MIGA1: variants seen among roughly 807,000 people sequenced by gnomAD.
MIGA1 encodes the protein mitoguardin 1, also known as family with sequence similarity 73, member A.
A neutral mutation model predicts 82.0 loss-of-function variants in MIGA1; 58 were observed. That is an observed-to-expected ratio of 0.71 (90% CI 0.57 to 0.88). The LOEUF is 0.88. Ranked by LOEUF, MIGA1 falls within the 40% of genes least tolerant of loss-of-function variation. The pLI, the probability that MIGA1 is intolerant of heterozygous loss-of-function variation, is 0.00. For synonymous variants in MIGA1, 249 were observed against 253.6 expected, an observed-to-expected ratio of 0.98 and a Z score of 0.17; for missense variants, 751 against 749.1, an observed-to-expected ratio of 1.00 and a Z score of -0.03.
chr1:77,840,896 CT>C (rs1684605160), intron 7 of MIGA1, among the ~76,000 whole-genome samples: 1 of 152,090 alleles, frequency 6.6e-6, no homozygotes, highest in African/African-American at 2.4e-5. Context: ...ACTGTGATTT[CT>C]TTTTGTGAAA....
chr1:77,802,213 G>A (rs932004516), intron 3 of MIGA1, among the ~76,000 whole-genome samples: 1 of 152,190 alleles, frequency 6.6e-6, no homozygotes, highest in Non-Finnish European at 1.5e-5. Context: ...CAATTAATGA[G>A]TGACTATTTC....
At chr1:77,802,182 G>T (rs1246224917) in intron 3 of MIGA1, among the ~76,000 whole-genome samples, 1 of 152,146 alleles carries the variant, frequency 6.6e-6, no homozygotes, top group Non-Finnish European at 1.5e-5. Flanking sequence ...ATATGCTTTT[G>T]TGAGTCATCT....
intron 1 of MIGA1, among the ~76,000 whole-genome samples, chr1:77,780,792 T>C (rs1681871767): frequency 6.6e-6 from 1 of 152,002 alleles, no homozygotes; most frequent in African/African-American, 2.4e-5. Flanking sequence ...TTTTCTTTAG[T>C]TTTTCAATGA....
intron 2 of MIGA1, among the ~76,000 whole-genome samples, chr1:77,785,976 G>C (rs1381268429): frequency 1.3e-5 from 2 of 152,260 alleles, no homozygotes; most frequent in African/African-American, 4.8e-5. Flanking sequence ...CCCTAGCAGA[G>C]GTTCTCCATG....
rs186810064 is a variant in MIGA1 at position 77,811,579 on chromosome 1, G to T, written c.638-2155G>T. On this transcript the variant is annotated intron_variant, in intron 5 of 15. Transcript: ENST00000370791. ...AGCTGCACTTCGCAATTCCAAGCAT[G>T]TTGCAATTTTGCCTATGGTTTTCTT... 1.9e-6 allele frequency: 3 copies of T among 1,609,732 alleles called. No homozygotes were observed. The African/African-American group carries it at 4.0e-5, about 21-fold the overall frequency.
At chr1:77,827,511 G>A (rs1684079140) in intron 7 of MIGA1, among the ~76,000 whole-genome samples, 1 of 151,980 alleles carries the variant, frequency 6.6e-6, no homozygotes, top group Non-Finnish European at 1.5e-5. Context: ...ATTATCTGGA[G>A]AAGAGAATAC....
intron 8 of MIGA1, among the ~76,000 whole-genome samples, chr1:77,855,627 C>T (rs990148507): frequency 6.6e-6 from 1 of 151,674 alleles, no homozygotes; most frequent in African/African-American, 2.4e-5. Context: ...AGGTATATTC[C>T]TAAGTATTTT....
rs186423085 is a variant in MIGA1 at position 77,798,880 on chromosome 1, C to T, written c.196-2451C>T. On this transcript the variant is annotated intron_variant, in intron 2 of 15. Coordinates refer to ENST00000370791, the MANE Select transcript of MIGA1 (RefSeq NM_198549.4). ...TTCTGGGACACTATTCAACCTACTA[C>T]ACCTTCTATTCCTAATTTGCTGGGA... is the stretch of plus-strand genomic sequence containing the variant. 4.6e-5 allele frequency among the ~76,000 whole-genome samples: 7 copies of T among 152,334 alleles called. 1 individual carries two copies. In the East Asian group the frequency reaches 1.3e-3, roughly 29 times the overall value.
chr1:77,801,221 T>G (rs959418627), intron 2 of MIGA1, 110 bp from the exon 3 acceptor site: 1 of 701,866 alleles, frequency 1.4e-6, no homozygotes, highest in Non-Finnish European at 2.3e-6. Flanking sequence ...GATATTCTCT[T>G]GATAGTATTT....
At chr1:77,871,300 G>A (rs1179455519) in intron 14 of MIGA1, among the ~76,000 whole-genome samples, 1 of 151,956 alleles carries the variant, frequency 6.6e-6, no homozygotes, top group Non-Finnish European at 1.5e-5. Context: ...TCAGGAGTTC[G>A]AGACCAGCCT....
Position 77,782,772 on chromosome 1 carries a change from C to G in MIGA1, c.82-466C>G, listed in dbSNP as rs541717503. ...AAATGCGTGAGTTCTGGAGTTCAGT[C>G]AGTGAACTCTGAGGTTCTAGCCCCA... is the stretch of plus-strand genomic sequence containing the variant. On this transcript the variant is annotated intron_variant, in intron 1 of 15. Transcript: ENST00000370791. 83 of 549,184 alleles carry G rather than the reference C, an allele frequency of 1.5e-4. No individual in the cohort carries two copies. In the African/African-American group the frequency reaches 1.7e-3, roughly 11 times the overall value. 34.0% of individuals were successfully genotyped at this position (549,184 alleles called of 1,614,324 possible). A position where few individuals can be genotyped will look rare whatever the true frequency, so the allele number is the denominator to read the frequency against.
At chr1:77,866,429 A>T (rs374524358) in intron 14 of MIGA1, 38 bp downstream of exon 14, 42 of 1,590,782 alleles carry the variant, frequency 2.6e-5, no homozygotes, top group Non-Finnish European at 3.5e-6. Context: ...TTGTTAAATC[A>T]TTTAAGGATT....
intron 13 of MIGA1, among the ~76,000 whole-genome samples, chr1:77,864,635 C>T (rs984835592): frequency 4.6e-5 from 7 of 152,236 alleles, no homozygotes; most frequent in Middle Eastern, 3.4e-3. Flanking sequence ...GAGATCGTGC[C>T]GCTGCACTCC....
chr1:77,877,790 A>G lies in MIGA1; in HGVS notation c.*2726A>G, dbSNP rs947166214. The stretch of plus-strand genomic sequence containing the variant: ...GGAATTAATTTTATGAGATAAGATG[A>G]ATGGCTTTCTAGAAGGTGTTGCTTT... On this transcript the variant is annotated 3_prime_UTR_variant, in exon 16 of 16. Coordinates refer to ENST00000370791, the MANE Select transcript of MIGA1 (RefSeq NM_198549.4). The G allele has an allele frequency of 6.6e-6, 1 of 152,664 alleles. No homozygotes were observed. The highest frequency in any genetic ancestry group is 2.4e-5 in the African/African-American group (1 of 41,458). 9.5% of individuals were successfully genotyped at this position (152,664 alleles called of 1,614,324 possible).
chr1:77,874,631 G>A (rs1182835988), intron 15 of MIGA1, among the ~76,000 whole-genome samples: 2 of 151,948 alleles, frequency 1.3e-5, no homozygotes, highest in Non-Finnish European at 2.9e-5. Flanking sequence ...AAGTAGGGTG[G>A]GTGGTATTAG....
intron 1 of MIGA1, among the ~76,000 whole-genome samples, chr1:77,780,908 CT>C (rs1351911649): frequency 0.034 from 4,493 of 133,156 alleles, 61 homozygotes; most frequent in Middle Eastern, 0.086. Context: ...TTTCTTTTTT[CT>C]TTTTTTTTTT....
intron 2 of MIGA1, among the ~76,000 whole-genome samples, chr1:77,794,703 A>G (rs772036051): frequency 6.6e-6 from 1 of 152,172 alleles, no homozygotes; most frequent in Non-Finnish European, 1.5e-5. Context: ...TCTGGAGGCT[A>G]AAGTGGGAGG....
Position 77,783,323 on chromosome 1 carries a change from C to T in MIGA1, c.167C>T (p.Pro56Leu). ...GCAGCGCTAAGAGTGTTTGATCTTC[C>T]TCTGACTTGGTACTATTCTCTCTCC... The change falls in exon 2 of 16, where the codon CCT (proline) becomes CTT (leucine). Residue 56 changes from proline to leucine, a missense_variant. By Grantham distance (98) the Pro-to-Leu change is moderately conservative. Around this residue, in one of 3 missense-constraint regions of MIGA1, gnomAD observed 482 missense variants for 439.4 expected, o/e 1.10. Transcript: ENST00000370791. 1 of 1,598,274 alleles carries T rather than the reference C, an allele frequency of 6.3e-7. No individual in the cohort carries two copies.
At chr1:77,791,095 T>C (rs1482864671) in intron 2 of MIGA1, among the ~76,000 whole-genome samples, 1 of 151,646 alleles carries the variant, frequency 6.6e-6, no homozygotes, top group East Asian at 1.9e-4. Flanking sequence ...TAAAAATAAA[T>C]ATAAGCTGGG....
Sources: gnomAD v4.1 joint callset for allele counts (sites outside exome capture counted in the v4.1 genomes callset) on GRCh38, gnomAD v4.1.1 for gene constraint, gnomAD v4.1.1 regional missense constraint, MANE v1.5 for transcripts, NCBI Gene and HGNC (gene_info 2026-07-23, HGNC 2026-07-21) for gene names.